Variants in NVL observed in about 807,000 individuals in gnomAD.
NVL encodes the protein nuclear VCP like, also known as nuclear valosin-containing protein-like.
NVL carries 84 observed loss-of-function variants against 110.2 expected under a neutral mutation model. The observed-to-expected ratio is 0.76, with a 90% CI of 0.64 to 0.91. The LOEUF is 0.91. Among genes scored for constraint, NVL ranks in the 40% least tolerant of loss-of-function variants. The pLI, the probability that NVL is intolerant of heterozygous loss-of-function variation, is 0.00. For synonymous variants in NVL, 354 were observed against 361.1 expected (o/e 0.98, Z 0.22); for missense variants, 882 against 1,035.9 (o/e 0.85, Z 2.04).
chr1:224,273,043 C>CAAAAA (rs67364238), intron 17 of NVL, among the ~76,000 whole-genome samples: 6 of 119,696 alleles, frequency 5.0e-5, no homozygotes, highest in East Asian at 2.3e-4. Flanking sequence ...CAAAAAAAAA[C>CAAAAA]AAAAAAAACA....
intron 17 of NVL, among the ~76,000 whole-genome samples, chr1:224,268,743 C>T (rs954419396): frequency 2.0e-5 from 3 of 152,132 alleles, no homozygotes; most frequent in South Asian, 4.1e-4. Context: ...ACTGCAACCT[C>T]CATCTCCCAG....
In NVL at chr1:224,267,884, A is replaced by C. The variant is rs938189305; in HGVS notation, c.2182+150T>G. 5.0e-6 allele frequency: 3 copies of C among 605,012 alleles called. No homozygotes were observed. The African/African-American group carries it at 5.6e-5, about 11-fold the overall frequency. 37.5% of individuals were successfully genotyped at this position (605,012 alleles called of 1,614,324 possible). A position where few individuals can be genotyped will look rare whatever the true frequency, so the allele number is the denominator to read the frequency against. ...CACAGAACCAAAAATGGATTGCCCA[A>C]ATTTAATCTTCCTTTCCTAGGATGC... On this transcript the variant is annotated intron_variant, in intron 18 of 22. Transcript: ENST00000281701.
At chr1:224,263,875 T>C (rs995148798) in intron 18 of NVL, among the ~76,000 whole-genome samples, 1 of 151,954 alleles carries the variant, frequency 6.6e-6, no homozygotes, top group Admixed American at 6.6e-5. Context: ...ATTAGCCGGG[T>C]GTGGTGGCAC....
At chr1:224,294,499 A>C in intron 11 of NVL, 88 bp from the exon 12 acceptor site, 1 of 1,411,174 alleles carries the variant, frequency 7.1e-7, no homozygotes, top group Non-Finnish European at 9.9e-7. Flanking sequence ...GTTAAAGATA[A>C]AGTATTACAG....
At chr1:224,271,899 A>G (rs895825864) in intron 17 of NVL, among the ~76,000 whole-genome samples, 3 of 152,018 alleles carry the variant, frequency 2.0e-5, no homozygotes, top group Non-Finnish European at 4.4e-5. Flanking sequence ...CTGTAATCCC[A>G]GCTACTCGGG....
intron 2 of NVL, among the ~76,000 whole-genome samples, chr1:224,326,037 C>A (rs1461126448): frequency 2.0e-5 from 3 of 152,210 alleles, no homozygotes; most frequent in African/African-American, 7.2e-5. Context: ...CATCCTCCCA[C>A]CTCAGCCTCC....
At chr1:224,246,919 T>C (rs1294631346) in intron 19 of NVL, among the ~76,000 whole-genome samples, 3 of 151,784 alleles carry the variant, frequency 2.0e-5, no homozygotes, top group African/African-American at 7.3e-5. Context: ...CACGCACCTG[T>C]GGCCCCAGCT....
chr1:224,275,562 C>T, intron 16 of NVL, 104 bp from the exon 17 acceptor site: 30 of 1,435,606 alleles, frequency 2.1e-5, no homozygotes, highest in Non-Finnish European at 2.9e-5. Context: ...TTTTATGTGT[C>T]AAAGTCCAGA....
chr1:224,243,757 GT>G (rs1329920619), intron 19 of NVL, among the ~76,000 whole-genome samples: 1 of 150,866 alleles, frequency 6.6e-6, no homozygotes, highest in Admixed American at 6.6e-5. Context: ...CACCTCCCGG[GT>G]TCAAGAGATT....
intron 22 of NVL, among the ~76,000 whole-genome samples, 163 bp downstream of exon 22, chr1:224,231,063 G>T (rs1349960454): frequency 2.0e-5 from 3 of 151,462 alleles, no homozygotes; most frequent in African/African-American, 7.3e-5. Context: ...AACCCGGGAG[G>T]CAGAGCTTGC....
At chr1:224,278,226 CTTTT>C (rs931102981) in intron 16 of NVL, among the ~76,000 whole-genome samples, 4 of 111,132 alleles carry the variant, frequency 3.6e-5, no homozygotes, top group African/African-American at 1.1e-4. Flanking sequence ...ATCATCTAAT[CTTTT>C]TTTTTTTTTT....
intron 11 of NVL, among the ~76,000 whole-genome samples, chr1:224,296,249 TTTTA>T (rs1185845944): frequency 6.6e-6 from 1 of 152,094 alleles, no homozygotes; most frequent in East Asian, 1.9e-4. Context: ...TGCTATTTCT[TTTTA>T]TTTATTTTTA....
intron 12 of NVL, 118 bp from the exon 13 acceptor site, chr1:224,289,851 AT>A (rs1222788832): frequency 1.2e-6 from 1 of 846,180 alleles, no homozygotes; most frequent in Non-Finnish European, 1.8e-6. Context: ...TGGATACTAT[AT>A]AAGATCAAAT....
intron 18 of NVL, among the ~76,000 whole-genome samples, chr1:224,251,688 T>A (rs544257766): frequency 2.0e-5 from 3 of 151,924 alleles, no homozygotes; most frequent in Non-Finnish European, 4.4e-5. Flanking sequence ...AAATGAAAAG[T>A]CCACCCCACC....
rs6426084 is a variant in NVL at position 224,246,911 on chromosome 1, C to G, written c.2289+3301G>C. ...AAAAAATTAGCAGAGTGTGGTGGCA[C>G]GCACCTGTGGCCCCAGCTGCGTGGG... On this transcript the variant is annotated intron_variant, in intron 19 of 22. Transcript: ENST00000281701. Among the ~76,000 whole-genome samples the G allele has an allele frequency of 3.9e-5, 6 of 152,136 alleles. No individual in the cohort carries two copies. The East Asian group carries it at 5.8e-4, about 15-fold the overall frequency.
chr1:224,285,570 A>G (rs1410013672), intron 15 of NVL, among the ~76,000 whole-genome samples: 2 of 152,230 alleles, frequency 1.3e-5, no homozygotes, highest in Non-Finnish European at 2.9e-5. Context: ...TAATAGTAGT[A>G]GGTGGCAGTG....
intron 18 of NVL, among the ~76,000 whole-genome samples, chr1:224,250,748 G>GT (rs1662381398): frequency 6.6e-6 from 1 of 152,086 alleles, no homozygotes; most frequent in African/African-American, 2.4e-5. Context: ...AAAGTCCACT[G>GT]TATCATTCTT....
chr1:224,295,480 A>G (rs753143181), intron 11 of NVL, among the ~76,000 whole-genome samples: 2 of 152,056 alleles, frequency 1.3e-5, no homozygotes, highest in Non-Finnish European at 2.9e-5. Flanking sequence ...GATTACAGGC[A>G]TGAGCCACTG....
intron 4 of NVL, chr1:224,312,541 C>T (rs968849410): frequency 2.6e-5 from 4 of 152,112 alleles, no homozygotes; most frequent in Non-Finnish European, 4.4e-5. Context: ...TTAAATAGGC[C>T]CGGCATGGTG....
Sources: gnomAD v4.1 joint callset for allele counts (sites outside exome capture counted in the v4.1 genomes callset) on GRCh38, gnomAD v4.1.1 for gene constraint, MANE v1.5 for transcripts, NCBI Gene and HGNC (gene_info 2026-07-23, HGNC 2026-07-21) for gene names.